The following GLCE variants were observed in gnomAD, a reference collection of about 807,000 sequenced individuals.
GLCE encodes the protein glucuronic acid epimerase, also known as D-glucuronyl C5-epimerase.
A neutral mutation model predicts 47.9 loss-of-function variants in GLCE; 19 were observed. The ratio of observed to expected loss-of-function variants is 0.40; its 90% confidence interval spans 0.28 to 0.58. The LOEUF (loss-of-function observed/expected upper bound fraction) is 0.58. Among genes scored for constraint, GLCE ranks in the 20% least tolerant of loss-of-function variants. The pLI is 0.48. For missense variants in GLCE, 556 were observed against 743.3 expected, an observed-to-expected ratio of 0.75 and a Z score of 2.93; for synonymous variants, 245 against 263.4, an observed-to-expected ratio of 0.93 and a Z score of 0.68.
At chr15:69,247,934 T>C (rs971761431) in intron 2 of GLCE, among the ~76,000 whole-genome samples, 1 of 152,184 alleles carries the variant, frequency 6.6e-6, no homozygotes, top group Admixed American at 6.5e-5. Context: ...CAGATCACCA[T>C]AACAGATATA....
chr15:69,192,993 T>C (rs996335984), intron 1 of GLCE, among the ~76,000 whole-genome samples: 8 of 152,160 alleles, frequency 5.3e-5, no homozygotes, highest in African/African-American at 1.9e-4. Context: ...CATGTATAAC[T>C]TGTATTCAGC....
chr15:69,185,623 G>A (rs907215336), intron 1 of GLCE, among the ~76,000 whole-genome samples: 3 of 151,850 alleles, frequency 2.0e-5, no homozygotes, highest in South Asian at 2.1e-4. Context: ...TTAGTGTAGC[G>A]AAAACTCTCA....
chr15:69,187,528 C>T (rs2051842032), intron 1 of GLCE, among the ~76,000 whole-genome samples: 1 of 152,042 alleles, frequency 6.6e-6, no homozygotes, highest in Non-Finnish European at 1.5e-5. Context: ...TTTCTCCTTC[C>T]CTTTTACCCT....
intron 1 of GLCE, among the ~76,000 whole-genome samples, chr15:69,185,863 G>A (rs189942874): frequency 1.3e-5 from 2 of 152,224 alleles, no homozygotes; most frequent in East Asian, 3.9e-4. Flanking sequence ...TCAGACACCA[G>A]TTGCAAATCT....
At chr15:69,180,009 G>A (rs767505407) in intron 1 of GLCE, among the ~76,000 whole-genome samples, 1 of 151,886 alleles carries the variant, frequency 6.6e-6, no homozygotes, top group Non-Finnish European at 1.5e-5. Context: ...CATAACAAGT[G>A]CCAAAAGAAC....
intron 1 of GLCE, among the ~76,000 whole-genome samples, chr15:69,179,414 C>G (rs1279256462): frequency 6.6e-6 from 1 of 152,116 alleles, no homozygotes; most frequent in African/African-American, 2.4e-5. Context: ...ACTATCAAAA[C>G]CATGAAATTG....
chr15:69,211,091 G>A (rs373709573), intron 2 of GLCE, among the ~76,000 whole-genome samples: 9 of 152,160 alleles, frequency 5.9e-5, no homozygotes, highest in African/African-American at 1.9e-4. Flanking sequence ...GCAGATACAG[G>A]AACTCTAATT....
intron 1 of GLCE, among the ~76,000 whole-genome samples, chr15:69,198,071 C>A (rs1475472674): frequency 2.0e-5 from 3 of 152,126 alleles, no homozygotes; most frequent in African/African-American, 7.2e-5. Flanking sequence ...ATATACATAT[C>A]CTTTCTTATG....
In GLCE at chr15:69,261,472, C is replaced by T. The variant is rs1294373588; in HGVS notation, c.829+143C>T. 6.5e-6 allele frequency: 5 copies of T among 764,376 alleles called. No individual in the cohort carries two copies. In the East Asian group the frequency reaches 1.0e-4, roughly 16 times the overall value. The allele number at this position is 764,376 out of a possible 1,614,324, so 47.3% of individuals were successfully genotyped here. A position where few individuals can be genotyped will look rare whatever the true frequency, so the allele number is the denominator to read the frequency against. ...TATAAAGTAACAAATGGTGTCACCC[C>T]AATGAAATCTCTAAAAAAGATACAG... On this transcript the variant is annotated intron_variant, in intron 4 of 4. Transcript: ENST00000261858.
Position 69,232,138 on chromosome 15 carries a change from G to A in GLCE, c.-14+21732G>A, listed in dbSNP as rs546937481. Among the ~76,000 whole-genome samples, 21 of 152,270 alleles carry A rather than the reference G, an allele frequency of 1.4e-4. 1 individual carries two copies. The South Asian group carries it at 4.4e-3, about 32-fold the overall frequency. Reference sequence around the variant, plus strand: ...GATGGAGTAAAGTAGGCTATTGTCTGAGTAATTACCATTTCCTTTTATTTG... The same window carrying A: ...GATGGAGTAAAGTAGGCTATTGTCTAAGTAATTACCATTTCCTTTTATTTG... On this transcript the variant is annotated intron_variant, in intron 2 of 4. Transcript: ENST00000261858.
Position 69,254,876 on chromosome 15 carries a change from G to A in GLCE, c.-13-918G>A, listed in dbSNP as rs147607178. Among the ~76,000 whole-genome samples the A allele has an allele frequency of 7.1e-3, 1,085 of 152,284 alleles. 17 individuals are homozygous for A. The highest frequency in any genetic ancestry group is 0.025 in the African/African-American group (1,045 of 41,548). On this transcript the variant is annotated intron_variant, in intron 2 of 4. Transcript: ENST00000261858. ...AGGCATGAGGTTGGGTGAGATCAAA[G>A]TGAATAGACTGAATAGAGATAAAGA... is the stretch of plus-strand genomic sequence containing the variant.
intron 2 of GLCE, among the ~76,000 whole-genome samples, chr15:69,245,294 C>G (rs1206312956): frequency 7.0e-6 from 1 of 142,656 alleles, no homozygotes; most frequent in Admixed American, 7.3e-5. Context: ...GATCACATCA[C>G]TGCACTCCAG....
At chr15:69,187,069 T>C (rs1347953571) in intron 1 of GLCE, among the ~76,000 whole-genome samples, 1 of 152,186 alleles carries the variant, frequency 6.6e-6, no homozygotes, top group African/African-American at 2.4e-5. Context: ...ATATATCCAT[T>C]CAATGTCTTA....
chr15:69,216,352 T>A lies in GLCE; in HGVS notation c.-14+5946T>A, dbSNP rs549822726. 1.6e-4 allele frequency among the ~76,000 whole-genome samples: 25 copies of A among 152,196 alleles called. 1 individual carries two copies. Among genetic ancestry groups the A allele is most frequent in the Admixed American group, 3.9e-4 (6 of 15,286 alleles). On this transcript the variant is annotated intron_variant, in intron 2 of 4. Coordinates refer to ENST00000261858, the MANE Select transcript of GLCE (RefSeq NM_015554.3). ...GGATATCTGTCAATATGGACAAACT[T>A]TGGTATGTTCTTACAACTAATCAGT...
At chr15:69,234,829 T>C (rs576687165) in intron 2 of GLCE, among the ~76,000 whole-genome samples, 25 of 152,296 alleles carry the variant, frequency 1.6e-4, no homozygotes, top group African/African-American at 5.5e-4. Context: ...TTAATTCACA[T>C]TTATTGCTGA....
At chr15:69,194,915 A>G (rs2051964711) in intron 1 of GLCE, among the ~76,000 whole-genome samples, 1 of 152,172 alleles carries the variant, frequency 6.6e-6, no homozygotes, top group Admixed American at 6.6e-5. Context: ...GTCTTTATAG[A>G]TAAATGCAAT....
intron 2 of GLCE, among the ~76,000 whole-genome samples, chr15:69,240,373 T>C (rs1290035336): frequency 6.6e-6 from 1 of 150,646 alleles, no homozygotes; most frequent in Non-Finnish European, 1.5e-5. Context: ...AATACAGGAA[T>C]GTTGCACTCA....
intron 2 of GLCE, among the ~76,000 whole-genome samples, chr15:69,223,419 A>G (rs1271022314): frequency 6.6e-6 from 1 of 152,146 alleles, no homozygotes; most frequent in Non-Finnish European, 1.5e-5. Flanking sequence ...CTGGCCTCCA[A>G]AGTTTCTGAT....
chr15:69,176,224 T>G (rs1348010762), intron 1 of GLCE, among the ~76,000 whole-genome samples: 2 of 135,412 alleles, frequency 1.5e-5, no homozygotes, highest in Non-Finnish European at 1.6e-5. Context: ...TTGTTTTTTT[T>G]TTTTTTTTTT....
Sources: gnomAD v4.1 joint callset for allele counts (sites outside exome capture counted in the v4.1 genomes callset) on GRCh38, gnomAD v4.1.1 for gene constraint, MANE v1.5 for transcripts, NCBI Gene and HGNC (gene_info 2026-07-23, HGNC 2026-07-21) for gene names.